Variants in PRUNE2 observed in about 807,000 individuals in gnomAD.
The protein encoded by PRUNE2 is prune homolog 2 with BCH domain.
A neutral mutation model predicts 252.0 loss-of-function variants in PRUNE2; 164 were observed. The ratio of observed to expected loss-of-function variants is 0.65; its 90% CI spans 0.57 to 0.74. The LOEUF is 0.74. Ranked by LOEUF, PRUNE2 falls within the 30% of genes least tolerant of loss-of-function variation. PRUNE2 has a pLI of 0.00. For missense variants in PRUNE2, 3,495 were observed against 3,711.0 expected (o/e 0.94, Z 1.51); for synonymous variants, 1,292 against 1,350.2 (o/e 0.96, Z 0.94).
At chr9:76,702,063 CTTTT>C (rs533432061) in intron 9 of PRUNE2, among the ~76,000 whole-genome samples, 4 of 142,058 alleles carry the variant, frequency 2.8e-5, no homozygotes, top group African/African-American at 1.0e-4. Context: ...TCTTTTCTCG[CTTTT>C]TTTTTTTTTT....
chr9:76,790,114 T>C (rs2055411859), intron 6 of PRUNE2, among the ~76,000 whole-genome samples: 1 of 152,168 alleles, frequency 6.6e-6, no homozygotes, highest in Non-Finnish European at 1.5e-5. Context: ...AATGCTCTTT[T>C]TCTCCATGAA....
At chr9:76,668,211 C>A (rs1014498180) in intron 9 of PRUNE2, among the ~76,000 whole-genome samples, 1 of 151,932 alleles carries the variant, frequency 6.6e-6, no homozygotes, top group African/African-American at 2.4e-5. Context: ...CAGGTATATA[C>A]CAAGATATAT....
chr9:76,774,453 T>TTTTTATTTATTTATTTTTTTA, intron 6 of PRUNE2, among the ~76,000 whole-genome samples: 1 of 122,308 alleles, frequency 8.2e-6, no homozygotes, highest in Non-Finnish European at 1.8e-5. Flanking sequence ...TTCAACCCTT[T>TTTTTATTTATTTATTTTTTTA]TTTTTTTTTT....
At chr9:76,623,428 C>T (rs548624083) in intron 17 of PRUNE2, among the ~76,000 whole-genome samples, 26 of 151,884 alleles carry the variant, frequency 1.7e-4, no homozygotes, top group South Asian at 1.7e-3. Flanking sequence ...CCGAGTAGCT[C>T]GGACTATAGG....
chr9:76,708,268 T>C lies in PRUNE2; in HGVS notation c.4006A>G (p.Arg1336Gly), dbSNP rs748264344. ...ACCTCCTCTTCATCAAGGTGCCCCC[T>C]GTCAGTGGCTCCCTGGGCTTCCTTC... ...SEKEAQGATD[R>G]GHLDEEEVIA... Residue 1336 changes from arginine (R) to glycine (G), a missense_variant, in exon 8 of 19, where the codon AGG becomes GGG. Coordinates refer to ENST00000376718, the MANE Select transcript of PRUNE2 (RefSeq NM_015225.3). 7 of 1,613,732 alleles carry C rather than the reference T, an allele frequency of 4.3e-6. No individual in the cohort carries two copies. The highest frequency in any genetic ancestry group is 2.2e-5 in the South Asian group (2 of 91,082).
intron 6 of PRUNE2, among the ~76,000 whole-genome samples, chr9:76,758,250 T>C (rs1215709219): frequency 1.3e-5 from 2 of 152,196 alleles, no homozygotes; most frequent in African/African-American, 2.4e-5. Flanking sequence ...ACCAACTGTG[T>C]AGAACTTAAA....
intron 6 of PRUNE2, among the ~76,000 whole-genome samples, chr9:76,721,333 G>A (rs1459789679): frequency 1.3e-5 from 2 of 152,160 alleles, no homozygotes; most frequent in Non-Finnish European, 2.9e-5. Context: ...ATGACCTTCA[G>A]TGAATTTTAC....
intron 6 of PRUNE2, among the ~76,000 whole-genome samples, chr9:76,715,876 T>C (rs370305341): frequency 9.2e-5 from 14 of 152,134 alleles, no homozygotes; most frequent in African/African-American, 3.4e-4. Context: ...TAAAAAAAGA[T>C]ATAGCCCTGA....
At chr9:76,822,567 G>C (rs2058095889) in intron 6 of PRUNE2, among the ~76,000 whole-genome samples, 1 of 152,200 alleles carries the variant, frequency 6.6e-6, no homozygotes, top group Non-Finnish European at 1.5e-5. Context: ...CAGCACTTTG[G>C]GAGGCCAAGG....
chr9:76,706,380 G>A lies in PRUNE2; in HGVS notation c.5894C>T (p.Pro1965Leu), dbSNP rs2046317088. The A allele has an allele frequency of 6.2e-7, 1 of 1,613,918 alleles. No homozygotes were observed. Among genetic ancestry groups the A allele is most frequent in the African/African-American group, 1.3e-5 (1 of 74,936 alleles). The change falls in exon 8 of 19, where the codon CCA becomes CTA. Residue 1965 changes from proline to leucine, a missense_variant. By Grantham distance (98) the Pro-to-Leu change is moderately conservative. Coordinates refer to ENST00000376718, the MANE Select transcript of PRUNE2 (RefSeq NM_015225.3). Reference protein sequence around the residue: ...TQEQCQDTMLPVCDHPDTAFT... With the variant: ...TQEQCQDTMLLVCDHPDTAFT... ...GGCTGTGTCCGGATGATCACAGACT[G>A]GCAGCATGGTGTCCTGACACTGCTC... is the stretch of plus-strand genomic sequence containing the variant.
At chr9:76,895,038 A>C (rs376732482) in intron 1 of PRUNE2, among the ~76,000 whole-genome samples, 22 of 152,226 alleles carry the variant, frequency 1.4e-4, no homozygotes, top group African/African-American at 5.1e-4. Flanking sequence ...AAATAAAAAA[A>C]AGGGACCTTA....
chr9:76,630,139 ATTTG>A (rs1836842848), intron 15 of PRUNE2, among the ~76,000 whole-genome samples: 1 of 151,882 alleles, frequency 6.6e-6, no homozygotes, highest in South Asian at 2.1e-4. Flanking sequence ...CTGTTTACTT[ATTTG>A]TTTGTAACAA....
intron 6 of PRUNE2, chr9:76,788,218 T>A: frequency 2.0e-6 from 1 of 492,546 alleles, no homozygotes. Context: ...TTCCCTAGTT[T>A]TACTGAAGAC....
At chr9:76,741,953 A>G (rs2049662911) in intron 6 of PRUNE2, among the ~76,000 whole-genome samples, 2 of 152,226 alleles carry the variant, frequency 1.3e-5, no homozygotes, top group Non-Finnish European at 2.9e-5. Flanking sequence ...AAATTCACCA[A>G]TCTGGCTGTT....
At chr9:76,821,315 T>C (rs1395329695) in intron 6 of PRUNE2, among the ~76,000 whole-genome samples, 1 of 152,136 alleles carries the variant, frequency 6.6e-6, no homozygotes, top group Non-Finnish European at 1.5e-5. Context: ...ATCCACAAAA[T>C]AAGATTGTGA....
chr9:76,674,318 G>GA lies in PRUNE2; in HGVS notation c.8277-18817dup, dbSNP rs1310550499. On this transcript the variant is annotated intron_variant, in intron 9 of 18. Transcript: ENST00000376718. ...CTCCCATTCGCAATTGCTTCAAAGA[G>GA]AATAAAATACCTAGGAATCCAACTT... Among the ~76,000 whole-genome samples the GA allele has an allele frequency of 9.2e-5, 14 of 152,312 alleles. No homozygotes were observed. In the Middle Eastern group the frequency reaches 0.01, roughly 111 times the overall value.
chr9:76,633,398 T>C (rs1304507971), intron 15 of PRUNE2, among the ~76,000 whole-genome samples: 1 of 151,520 alleles, frequency 6.6e-6, no homozygotes, highest in Non-Finnish European at 1.5e-5. Flanking sequence ...CGGGGAAACA[T>C]GGCAAATCCT....
At chr9:76,757,805 GCATGCATCTATAGTT>G (rs1213063918) in intron 6 of PRUNE2, among the ~76,000 whole-genome samples, 2 of 152,080 alleles carry the variant, frequency 1.3e-5, no homozygotes, top group Admixed American at 6.6e-5. Flanking sequence ...GTACATGGTG[GCATGCATCTATAGTT>G]CCAGTGACTC....
chr9:76,820,437 G>A (rs2131898429), intron 6 of PRUNE2, among the ~76,000 whole-genome samples: 1 of 152,238 alleles, frequency 6.6e-6, no homozygotes, highest in Non-Finnish European at 1.5e-5. Flanking sequence ...AAACTCAATG[G>A]TTCCCTCTGA....
Sources: allele counts gnomAD v4.1 joint callset (sites outside exome capture counted in the v4.1 genomes callset), GRCh38; gene constraint gnomAD v4.1.1; transcripts MANE v1.5; gene names NCBI Gene and HGNC (gene_info 2026-07-23, HGNC 2026-07-21).